CSMD1: variants seen among roughly 807,000 people sequenced by gnomAD.
CSMD1 encodes the protein CUB and sushi domain-containing protein 1.
CSMD1 carries 213 observed loss-of-function variants against 417.5 expected under a neutral mutation model. The ratio of observed to expected loss-of-function variants is 0.51; its 90% CI spans 0.46 to 0.57. The LOEUF (loss-of-function observed/expected upper bound fraction) is 0.57. Among genes scored for constraint, CSMD1 ranks in the 20% least tolerant of loss-of-function variants. CSMD1 has a pLI of 0.00. For synonymous variants in CSMD1, 2,862 were observed against 1,736.8 expected (o/e 1.65, Z -16.11); for missense variants, 6,923 against 4,529.7 (o/e 1.53, Z -15.17).
At chr8:4,143,752 A>C (rs959030848) in intron 3 of CSMD1, among the ~76,000 whole-genome samples, 1 of 151,246 alleles carries the variant, frequency 6.6e-6, no homozygotes, top group Non-Finnish European at 1.5e-5. Flanking sequence ...GGGGGGATTT[A>C]TTAAAGCCAG....
intron 5 of CSMD1, among the ~76,000 whole-genome samples, chr8:3,825,861 G>C (rs1044155781): frequency 6.6e-6 from 1 of 152,166 alleles, no homozygotes; most frequent in Non-Finnish European, 1.5e-5. Context: ...GAGACGCATT[G>C]TACACTAGGG....
At position 3,788,526 on chromosome 8, in the gene CSMD1, C is replaced by A. The variant is rs2623673; in HGVS notation, c.819-34484G>T. Among the ~76,000 whole-genome samples, 795 of 152,066 alleles carry A rather than the reference C, an allele frequency of 5.2e-3. 8 individuals carry two copies. The highest frequency in any genetic ancestry group is 0.019 in the African/African-American group (772 of 41,478). ...GGATCAATAGTTTCCTTCATCTCAC[C>A]TCAGATATTTATTCAACCATCCATC... On this transcript the variant is annotated intron_variant, in intron 5 of 69. Coordinates refer to ENST00000635120, the MANE Select transcript of CSMD1 (RefSeq NM_033225.6).
rs145213800 is a variant in CSMD1 at position 4,623,379 on chromosome 8, A to G, written c.302+13963T>C. 5.5e-3 allele frequency among the ~76,000 whole-genome samples: 832 copies of G among 152,310 alleles called. 8 individuals are homozygous for G. Among genetic ancestry groups the G allele is most frequent in the Admixed American group, 7.2e-3 (110 of 15,294 alleles). ...ATACAACAACTAAAATTCATCCCTCAGGTGGGAATTTAAAATGGGACTACC... is the reference window on the plus strand; with the variant it reads ...ATACAACAACTAAAATTCATCCCTCGGGTGGGAATTTAAAATGGGACTACC... On this transcript the variant is annotated intron_variant, in intron 2 of 69. Transcript: ENST00000635120.
chr8:4,375,190 G>C (rs543551848), intron 3 of CSMD1, among the ~76,000 whole-genome samples: 9 of 152,084 alleles, frequency 5.9e-5, no homozygotes, highest in Admixed American at 3.9e-4. Context: ...AATATGGAGT[G>C]TTTTCAAGTC....
At chr8:4,917,414 T>G (rs1453623956) in intron 1 of CSMD1, among the ~76,000 whole-genome samples, 1 of 152,086 alleles carries the variant, frequency 6.6e-6, no homozygotes, top group Non-Finnish European at 1.5e-5. Context: ...GTGGGCAGAC[T>G]ACAAGGTCAG....
chr8:3,178,259 C>T lies in CSMD1; in HGVS notation c.5725+2851G>A, dbSNP rs141424230. 2.3e-3 allele frequency among the ~76,000 whole-genome samples: 343 copies of T among 152,074 alleles called. 1 individual carries two copies. Among genetic ancestry groups the T allele is most frequent in the African/African-American group, 7.3e-3 (302 of 41,466 alleles). On this transcript the variant is annotated intron_variant, in intron 37 of 69. Transcript: ENST00000635120. ...TTCCACCAGTGTCCATTTGGATGTA[C>T]TATGGTTAAGGGGGCCTTGTTTTCA... is the stretch of plus-strand genomic sequence containing the variant.
intron 3 of CSMD1, among the ~76,000 whole-genome samples, chr8:4,185,250 C>T (rs779086934): frequency 6.6e-6 from 1 of 151,884 alleles, no homozygotes; most frequent in Admixed American, 6.6e-5. Context: ...GAATCCTGGC[C>T]CTACCCCTTG....
intron 1 of CSMD1, among the ~76,000 whole-genome samples, chr8:4,730,585 A>C (rs1809779569): frequency 6.6e-6 from 1 of 151,486 alleles, no homozygotes; most frequent in Non-Finnish European, 1.5e-5. Flanking sequence ...CTAAAAATAC[A>C]AAAAAATTAG....
chr8:3,689,300 G>C (rs914257554), intron 7 of CSMD1, among the ~76,000 whole-genome samples: 6 of 152,226 alleles, frequency 3.9e-5, no homozygotes, highest in Middle Eastern at 3.4e-3. Context: ...GCTAACATTG[G>C]ACTAAGCCAT....
At chr8:4,982,303 A>G (rs1810936527) in intron 1 of CSMD1, among the ~76,000 whole-genome samples, 1 of 152,162 alleles carries the variant, frequency 6.6e-6, no homozygotes, top group East Asian at 1.9e-4. Context: ...CAAATGGGAG[A>G]TTGCTCCCCC....
At chr8:4,680,451 CA>C (rs1805967137) in intron 1 of CSMD1, among the ~76,000 whole-genome samples, 1 of 152,180 alleles carries the variant, frequency 6.6e-6, no homozygotes, top group South Asian at 2.1e-4. Flanking sequence ...ACCATGTTCT[CA>C]TCATCGTACC....
At chr8:3,333,620 T>C (rs190206971) in intron 23 of CSMD1, among the ~76,000 whole-genome samples, 3 of 152,370 alleles carry the variant, frequency 2.0e-5, no homozygotes, top group East Asian at 3.9e-4. Flanking sequence ...TTAATCTTTA[T>C]TGAAATAAGT....
intron 3 of CSMD1, among the ~76,000 whole-genome samples, chr8:4,259,168 A>T (rs1430057305): frequency 1.3e-5 from 2 of 152,192 alleles, no homozygotes; most frequent in Non-Finnish European, 2.9e-5. Flanking sequence ...ACACGAAGCT[A>T]AGGGCCATGC....
At chr8:4,842,567 T>C (rs1011080075) in intron 1 of CSMD1, among the ~76,000 whole-genome samples, 3 of 152,192 alleles carry the variant, frequency 2.0e-5, no homozygotes, top group African/African-American at 4.8e-5. Flanking sequence ...GTAGGAGCCA[T>C]ATTGAGCATA....
chr8:3,277,884 C>G (rs1054511221), intron 26 of CSMD1, among the ~76,000 whole-genome samples: 1 of 152,206 alleles, frequency 6.6e-6, no homozygotes, highest in Non-Finnish European at 1.5e-5. Flanking sequence ...TCCATCATTT[C>G]TTCCCTACAA....
At chr8:4,597,784 G>A (rs1253987400) in intron 2 of CSMD1, among the ~76,000 whole-genome samples, 1 of 152,044 alleles carries the variant, frequency 6.6e-6, no homozygotes, top group African/African-American at 2.4e-5. Flanking sequence ...GACTTTCATA[G>A]GCCAGTCACT....
chr8:3,029,789 T>C (rs569319578), intron 50 of CSMD1, among the ~76,000 whole-genome samples: 2 of 152,130 alleles, frequency 1.3e-5, no homozygotes, highest in East Asian at 1.9e-4. Context: ...CAAAAGTATA[T>C]GGCTCATTGA....
At chr8:3,674,882 C>T (rs966200269) in intron 7 of CSMD1, among the ~76,000 whole-genome samples, 1 of 152,124 alleles carries the variant, frequency 6.6e-6, no homozygotes, top group East Asian at 1.9e-4. Flanking sequence ...GGATGGACAA[C>T]GTAAGACTTG....
intron 10 of CSMD1, among the ~76,000 whole-genome samples, chr8:3,568,965 T>C (rs931267148): frequency 6.6e-6 from 1 of 152,168 alleles, no homozygotes; most frequent in African/African-American, 2.4e-5. Context: ...TCTCACAATA[T>C]ATATTACTTT....
Sources: gnomAD v4.1 joint callset for allele counts (sites outside exome capture counted in the v4.1 genomes callset) on GRCh38, gnomAD v4.1.1 for gene constraint, MANE v1.5 for transcripts, NCBI Gene and HGNC (gene_info 2026-07-23, HGNC 2026-07-21) for gene names.